The following CCDC27 variants were observed in gnomAD, a reference collection of about 807,000 sequenced individuals.
CCDC27 encodes the protein coiled-coil domain-containing protein 27.
CCDC27 carries 80 observed loss-of-function variants against 80.3 expected under a neutral mutation model. The observed-to-expected ratio is 1.00, with a 90% confidence interval of 0.83 to 1.20. The LOEUF is 1.20. Ranked by LOEUF, CCDC27 falls within the 50% of genes most tolerant of loss-of-function variation. CCDC27 has a pLI of 0.00. For synonymous variants in CCDC27, 342 were observed against 334.3 expected (o/e 1.02, Z -0.25); for missense variants, 815 against 809.4 (o/e 1.01, Z -0.08).
chr1:3,757,972 C>G (rs1213055291), intron 4 of CCDC27, among the ~76,000 whole-genome samples: 1 of 151,544 alleles, frequency 6.6e-6, no homozygotes, highest in Non-Finnish European at 1.5e-5. Context: ...CCAGGCAGGT[C>G]TCGAACTCCT....
At chr1:3,755,758 T>C in intron 3 of CCDC27, 191 bp downstream of exon 3, 1 of 594,968 alleles carries the variant, frequency 1.7e-6, no homozygotes, top group Non-Finnish European at 3.0e-6. Flanking sequence ...CAGCATAGGC[T>C]GCAGTCCCCC....
At chr1:3,752,936 A>G (rs10910022) in intron 1 of CCDC27, 137 bp downstream of exon 1, 41,614 of 1,029,294 alleles carry the variant, frequency 0.04, 1,568 homozygotes, top group East Asian at 0.17. Context: ...GGGGGATTCC[A>G]GGCAGGCAAC....
chr1:3,757,429 T>C (rs764530797), intron 4 of CCDC27, among the ~76,000 whole-genome samples: 2 of 151,680 alleles, frequency 1.3e-5, no homozygotes, highest in African/African-American at 4.8e-5. Flanking sequence ...TTTTATTTTA[T>C]TATTATTATT....
At chr1:3,753,892 T>C (rs571707578) in intron 1 of CCDC27, among the ~76,000 whole-genome samples, 2 of 151,896 alleles carry the variant, frequency 1.3e-5, no homozygotes, top group African/African-American at 4.8e-5. Flanking sequence ...AAGCTCTCGG[T>C]GGGCAGCCAG....
rs78673185 is a variant in CCDC27, at chr1:3,766,159, C to T, written c.1453-376C>T. ...GGGATTACAGGTGTGAGCCACTGCA[C>T]GTGGCCTAGGGCTCTTCATTTCTGA... is the stretch of plus-strand genomic sequence containing the variant. On this transcript the variant is annotated intron_variant, in intron 8 of 11. Coordinates refer to ENST00000294600, the MANE Select transcript of CCDC27 (RefSeq NM_152492.3). The surrounding 1 kb of genome is among the most constrained non-coding windows in gnomAD (Gnocchi z 6.1). Among the ~76,000 whole-genome samples, 13 of 152,374 alleles carry T rather than the reference C, an allele frequency of 8.5e-5. No homozygotes were observed. Among genetic ancestry groups the T allele is most frequent in the African/African-American group, 2.6e-4 (11 of 41,594 alleles).
chr1:3,762,069 GC>G (rs1311461608), intron 5 of CCDC27, among the ~76,000 whole-genome samples: 1 of 152,136 alleles, frequency 6.6e-6, no homozygotes, highest in Non-Finnish European at 1.5e-5. Flanking sequence ...TCTGTGTTGT[GC>G]CCAGGGGCGG....
intron 6 of CCDC27, 142 bp from the exon 7 acceptor site, chr1:3,762,966 G>A: frequency 1.8e-6 from 2 of 1,109,994 alleles, no homozygotes; most frequent in Non-Finnish European, 1.2e-6. Flanking sequence ...GACCTTGCCA[G>A]GCAGATGCTC....
At position 3,755,556 on chromosome 1, in the gene CCDC27, CG is replaced by C; in HGVS notation, c.543del (p.Asn182ThrfsTer28). On this transcript the variant is annotated frameshift_variant, in exon 3 of 12. Transcript: ENST00000294600. LOFTEE classifies it high-confidence loss of function. ...DLFLARRGSD[T>X]NVDGYLLPFS... ...TTCTTGGCCAGGCGGGGCTCAGACA[CG>C]AACGTGGACGGTGAGGGAGCCCCTA... is the stretch of plus-strand genomic sequence containing the variant. The C allele has an allele frequency of 6.2e-7, 1 of 1,613,670 alleles. No homozygotes were observed. Among genetic ancestry groups the C allele is most frequent in the Non-Finnish European group, 8.5e-7 (1 of 1,179,758 alleles).
intron 1 of CCDC27, 131 bp downstream of exon 1, chr1:3,752,930 G>A (rs1220970407): frequency 3.7e-6 from 4 of 1,075,672 alleles, no homozygotes; most frequent in Non-Finnish European, 5.3e-6. Flanking sequence ...ACCAAAGGGG[G>A]ATTCCAGGCA....
chr1:3,764,765 A>G (rs935242558), intron 8 of CCDC27, among the ~76,000 whole-genome samples: 1 of 152,112 alleles, frequency 6.6e-6, no homozygotes, highest in Non-Finnish European at 1.5e-5. Flanking sequence ...GCTGAGCACG[A>G]TGGCTCACAC....
At chr1:3,764,791 T>C (rs1012005898) in intron 8 of CCDC27, among the ~76,000 whole-genome samples, 1 of 152,090 alleles carries the variant, frequency 6.6e-6, no homozygotes, top group African/African-American at 2.4e-5. Flanking sequence ...ATCCCAGCAC[T>C]TTGGGAGGCT....
At chr1:3,757,739 C>T (rs529910725) in intron 4 of CCDC27, among the ~76,000 whole-genome samples, 17 of 151,942 alleles carry the variant, frequency 1.1e-4, no homozygotes, top group African/African-American at 4.1e-4. Flanking sequence ...CTGGCTAACA[C>T]GCGAAACCCC....
chr1:3,752,856 C>T lies in CCDC27; in HGVS notation c.318+57C>T, dbSNP rs967582418. Reference sequence around the variant, plus strand: ...GCCTTGAGGTGACCTGTTTCTTCTCCTCCCCAAAGGCCCATAGAGCTGTCA... The same window carrying T: ...GCCTTGAGGTGACCTGTTTCTTCTCTTCCCCAAAGGCCCATAGAGCTGTCA... On this transcript the variant is annotated intron_variant, in intron 1 of 11. Transcript: ENST00000294600. 5.9e-6 allele frequency: 9 copies of T among 1,537,522 alleles called. No individual in the cohort carries two copies. In the African/African-American group the frequency reaches 1.1e-4, roughly 19 times the overall value.
rs1303037757 is a variant in CCDC27 at position 3,756,773 on chromosome 1, T to C, written c.594T>C (p.Asp198=). Residue 198 remains aspartate, a synonymous_variant, in exon 4 of 12, where the codon GAT becomes GAC. Transcript: ENST00000294600. ...LPFSKSICEF[D]YLRKRRKSQT... is the part of the protein sequence containing the mutation. ...TCAGTAAGAGCATCTGCGAGTTCGA[T>C]TACTTGCGGAAGAGGAGAAAATCCC... The C allele has an allele frequency of 6.2e-7, 1 of 1,614,092 alleles. No homozygotes were observed. Among genetic ancestry groups the C allele is most frequent in the South Asian group, 1.1e-5 (1 of 91,070 alleles).
rs1344082587 is a variant in CCDC27, at chr1:3,762,691, G to A, written c.933G>A (p.Glu311=). The change falls in exon 6 of 12, where the codon GAG becomes GAA. Residue 311 remains glutamate (E), a synonymous_variant. Transcript: ENST00000294600. ...TGAAGGCCTTCTCCAGACATGAGGA[G>A]GAGCTGCAGCACTGGTGGCAGGTGC... ...SLLKAFSRHE[E]ELQHWWQMQE... 3.2e-6 allele frequency: 5 copies of A among 1,549,354 alleles called. No homozygotes were observed. In the African/African-American group the frequency reaches 5.5e-5, roughly 17 times the overall value.
Position 3,771,463 on chromosome 1 carries a change from C to T in CCDC27, c.1911C>T (p.Pro637=), listed in dbSNP as rs1241387464. 3 of 1,614,010 alleles carry T rather than the reference C, an allele frequency of 1.9e-6. No individual in the cohort carries two copies. Among genetic ancestry groups the T allele is most frequent in the Non-Finnish European group, 2.5e-6 (3 of 1,179,968 alleles). The change falls in exon 12 of 12, where the codon CCC becomes CCT. Residue 637 remains proline, a synonymous_variant. Transcript: ENST00000294600. ...NQLKQKGVKV[P]PLQQSEAFLT... is the part of the protein sequence containing the mutation. The stretch of plus-strand genomic sequence containing the variant: ...TGAAGCAGAAAGGCGTCAAAGTGCC[C>T]CCCCTGCAACAGTCAGAGGCCTTCC...
chr1:3,758,879 GA>G (rs1488050780), intron 4 of CCDC27, among the ~76,000 whole-genome samples: 1 of 152,108 alleles, frequency 6.6e-6, no homozygotes, highest in East Asian at 1.9e-4. Flanking sequence ...TAGCAGGTGT[GA>G]ACCACTGTAC....
At position 3,756,095 on chromosome 1, in the gene CCDC27, C is replaced by T. The variant is rs537982488; in HGVS notation, c.553+528C>T. ...GTGGCTCACGCCTGTAATCACAGCA[C>T]TTTGGGAGGCCAAGGCGGGTGGATC... is the stretch of plus-strand genomic sequence containing the variant. On this transcript the variant is annotated intron_variant, in intron 3 of 11. Transcript: ENST00000294600. The T allele has an allele frequency of 1.1e-3, 172 of 157,480 alleles. 3 individuals carry two copies. In the South Asian group the frequency reaches 0.018, roughly 17 times the overall value. 9.8% of individuals were successfully genotyped at this position (157,480 alleles called of 1,614,324 possible). A position where few individuals can be genotyped will look rare whatever the true frequency, so the allele number is the denominator to read the frequency against.
intron 3 of CCDC27, chr1:3,756,140 G>A (rs181859545): frequency 6.4e-6 from 1 of 155,476 alleles, no homozygotes; most frequent in East Asian, 1.9e-4. Context: ...AGGAGTTCAA[G>A]ACCAGCCTGG....
Sources: gnomAD v4.1 joint callset for allele counts (sites outside exome capture counted in the v4.1 genomes callset) on GRCh38, gnomAD v4.1.1 for gene constraint, Gnocchi (gnomAD v3.1) non-coding constraint, MANE v1.5 for transcripts, NCBI Gene and HGNC (gene_info 2026-07-23, HGNC 2026-07-21) for gene names.